The following GAS6 variants were observed in gnomAD, a reference collection of about 807,000 sequenced individuals.
The protein encoded by GAS6 is growth arrest specific 6.
In GAS6, 41 loss-of-function variants were observed where a neutral mutation model predicts 75.8. The observed-to-expected ratio is 0.54, with a 90% CI of 0.42 to 0.70. The LOEUF (loss-of-function observed/expected upper bound fraction) is 0.70, where lower values mean the gene tolerates loss of function less well. GAS6 is among the 30% of genes least tolerant of loss of function. The pLI is 0.00. For synonymous variants in GAS6, 432 were observed against 412.6 expected (o/e 1.05, Z -0.57); for missense variants, 854 against 940.2 (o/e 0.91, Z 1.20).
chr13:113,843,661 C>T (rs1270765929), intron 4 of GAS6: 1 of 150,912 alleles, frequency 6.6e-6, no homozygotes, highest in Non-Finnish European at 1.5e-5. Context: ...TTCAGGGGCA[C>T]CTGGGAACGC....
At chr13:113,833,008 C>T in intron 8 of GAS6, 1 of 1,397,010 alleles carries the variant, frequency 7.2e-7, no homozygotes, top group African/African-American at 1.4e-5. Flanking sequence ...GCTCATTTCC[C>T]TTGACCCTTT....
At position 113,838,091 on chromosome 13, in the gene GAS6, G is replaced by C; in HGVS notation, c.567C>G (p.Ser189=). The C allele has an allele frequency of 1.2e-6, 2 of 1,612,858 alleles. No homozygotes were observed. The highest frequency in any genetic ancestry group is 8.5e-7 in the Non-Finnish European group (1 of 1,179,868). ...TACCTTGGCAGGTCCTGCCATCAGA[G>C]GAGAGCTCGAAGCCGCTGTGGCAGG... The part of the protein sequence containing the change: ...HCSCHSGFEL[S]SDGRTCQDID... The change falls in exon 6 of 15, where the codon TCC becomes TCG. Residue 189 remains serine, a synonymous_variant. Coordinates refer to ENST00000327773, the MANE Select transcript of GAS6 (RefSeq NM_000820.4).
chr13:113,858,470 C>T (rs1360364799), intron 2 of GAS6, among the ~76,000 whole-genome samples: 2 of 150,292 alleles, frequency 1.3e-5, no homozygotes, highest in African/African-American at 2.5e-5. Context: ...TTTGTGTGTG[C>T]ATGTCTGTGT....
At chr13:113,862,808 C>A (rs374150804) in intron 2 of GAS6, among the ~76,000 whole-genome samples, 3 of 152,214 alleles carry the variant, frequency 2.0e-5, no homozygotes, top group East Asian at 1.9e-4. Context: ...CGGAAAACTT[C>A]GCTATGAAAT....
rs139682172 is a variant in GAS6 at position 113,839,734 on chromosome 13, C to G, written c.460G>C (p.Asp154His). 326 of 1,613,746 alleles carry G rather than the reference C, an allele frequency of 2.0e-4. No individual in the cohort carries two copies. In the Middle Eastern group the frequency reaches 6.4e-3, roughly 32 times the overall value. ...CKAGWGGRLC[D>H]KDVNECSQEN... Reference sequence around the variant, plus strand: ...TGTCTTCAGCCTCACGTACCTTTGTCGCAGAGCCGGCCCCCCCAGCCAGCT... The same window carrying G: ...TGTCTTCAGCCTCACGTACCTTTGTGGCAGAGCCGGCCCCCCCAGCCAGCT... The change falls in exon 5 of 15, where the codon GAC becomes CAC. Residue 154 changes from aspartate (D) to histidine (H), a missense_variant. Physicochemically the swap from Asp to His is moderately conservative, Grantham distance 81. Coordinates refer to ENST00000327773, the MANE Select transcript of GAS6 (RefSeq NM_000820.4).
intron 2 of GAS6, among the ~76,000 whole-genome samples, chr13:113,852,846 C>A (rs540793910): frequency 7.2e-5 from 11 of 152,366 alleles, no homozygotes; most frequent in African/African-American, 2.6e-4. Flanking sequence ...GCGGTTCTCA[C>A]GCCCCAACCC....
chr13:113,832,264 G>A lies in GAS6; in HGVS notation c.1143+35C>T, dbSNP rs201876951. 2.1e-4 allele frequency: 340 copies of A among 1,586,062 alleles called. No individual in the cohort carries two copies. In the African/African-American group the frequency reaches 3.2e-3, roughly 15 times the overall value. ...CTGAGTCTGGCTCAGGGAGAACCCC[G>A]TGAGGCCTGGAAGGGGTGGCTGCCG... On this transcript the variant is annotated intron_variant, in intron 10 of 14. Coordinates refer to ENST00000327773, the MANE Select transcript of GAS6 (RefSeq NM_000820.4).
At chr13:113,828,788 C>T (rs2051587218) in intron 10 of GAS6, 77 bp from the exon 11 acceptor site, 1 of 1,509,552 alleles carries the variant, frequency 6.6e-7, no homozygotes, top group South Asian at 1.2e-5. Flanking sequence ...AAACCACACT[C>T]ATCCTCTCCT....
chr13:113,832,154 C>T (rs1043216127), intron 10 of GAS6, 145 bp downstream of exon 10: 34 of 916,068 alleles, frequency 3.7e-5, no homozygotes, highest in East Asian at 1.9e-4. Context: ...ATGAACTAAA[C>T]GGGGCAGGGG....
rs2051824641 is a variant in GAS6, at chr13:113,845,211, G to A, written c.343+1316C>T. On this transcript the variant is annotated intron_variant, in intron 4 of 14. Coordinates refer to ENST00000327773, the MANE Select transcript of GAS6 (RefSeq NM_000820.4). This position sits in a 1 kb window ranked among gnomAD's most constrained non-coding sequence, Gnocchi z 4.3. ...TACACTGAGCATTTCCTCTGCCTGT[G>A]TCTCTTGGGCTGGGGTCTGTGATAC... 6.6e-6 allele frequency: 1 copy of A among 150,496 alleles called. No homozygotes were observed. Among genetic ancestry groups the A allele is most frequent in the South Asian group, 2.1e-4 (1 of 4,830 alleles). The allele number at this position is 150,496 out of a possible 1,614,324, so 9.3% of individuals were successfully genotyped here. A position where few individuals can be genotyped will look rare whatever the true frequency, so the allele number is the denominator to read the frequency against.
chr13:113,858,240 G>A (rs1014405873), intron 2 of GAS6, among the ~76,000 whole-genome samples: 1 of 152,220 alleles, frequency 6.6e-6, no homozygotes, highest in African/African-American at 2.4e-5. Context: ...ATGTGGCTGG[G>A]CATCCATGTG....
chr13:113,859,591 T>C (rs999863321), intron 2 of GAS6, among the ~76,000 whole-genome samples: 2 of 151,828 alleles, frequency 1.3e-5, no homozygotes, highest in African/African-American at 2.4e-5. Flanking sequence ...CGTATGTACA[T>C]GTCTGTTAGT....
intron 4 of GAS6, chr13:113,842,123 CT>C (rs1455396813): frequency 4.5e-5 from 6 of 134,340 alleles, no homozygotes; most frequent in African/African-American, 2.0e-4. Flanking sequence ...CTCCATACGC[CT>C]CAATTTCCTC....
rs374782446 is a variant in GAS6 at position 113,827,051 on chromosome 13, C to T, written c.1422G>A (p.Thr474=). 1.1e-5 allele frequency: 18 copies of T among 1,613,394 alleles called. No homozygotes were observed. Among genetic ancestry groups the T allele is most frequent in the Non-Finnish European group, 1.4e-5 (17 of 1,179,982 alleles). The change falls in exon 12 of 15, where the codon ACG becomes ACA. Residue 474 remains threonine, a synonymous_variant. Transcript: ENST00000327773. ...TCCCGGGGTAGAAAGAGCCTCTCTC[C>T]GTCACCGAGAAGCACTGCATCCTCG... ...VNTRMQCFSV[T]ERGSFYPGSG...
chr13:113,825,990 A>AACG (rs2051532453), intron 12 of GAS6, among the ~76,000 whole-genome samples: 2 of 151,468 alleles, frequency 1.3e-5, no homozygotes, highest in African/African-American at 4.8e-5. Context: ...CTTCACCATA[A>AACG]ACGGCTCGGT....
At chr13:113,851,371 ATGAG>A (rs752408072) in intron 2 of GAS6, among the ~76,000 whole-genome samples, 105 of 150,786 alleles carry the variant, frequency 7.0e-4, no homozygotes, top group Admixed American at 2.6e-3. Flanking sequence ...GAATGAAAGA[ATGAG>A]TGAGTGGGTA....
intron 14 of GAS6, chr13:113,821,253 A>T: frequency 1.7e-6 from 1 of 578,548 alleles, no homozygotes. Context: ...CCCCGCTGGG[A>T]GCACAGACAG....
At chr13:113,852,449 T>C (rs1189350622) in intron 2 of GAS6, among the ~76,000 whole-genome samples, 2 of 152,136 alleles carry the variant, frequency 1.3e-5, no homozygotes, top group Non-Finnish European at 2.9e-5. Flanking sequence ...CTGAAGCAGC[T>C]TGGAGGGAGC....
intron 11 of GAS6, among the ~76,000 whole-genome samples, chr13:113,828,008 G>GC (rs2051573122): frequency 6.6e-6 from 1 of 152,234 alleles, no homozygotes; most frequent in Admixed American, 6.5e-5. Flanking sequence ...GGGCGCGGTG[G>GC]CTCACGCCTG....
Sources: allele counts gnomAD v4.1 joint callset (sites outside exome capture counted in the v4.1 genomes callset), GRCh38; gene constraint gnomAD v4.1.1; non-coding constraint Gnocchi (gnomAD v3.1); transcripts MANE v1.5; gene names NCBI Gene and HGNC (gene_info 2026-07-23, HGNC 2026-07-21).